Variants in UTS2B observed in about 807,000 individuals in gnomAD.
The protein encoded by UTS2B is urotensin 2B.
UTS2B carries 21 observed loss-of-function variants against 19.2 expected under a neutral mutation model. That is an observed-to-expected ratio of 1.09 (90% CI 0.78 to 1.58). The LOEUF (loss-of-function observed/expected upper bound fraction) is 1.58, where lower values mean the gene tolerates loss of function less well. UTS2B is among the 40% of genes most tolerant of loss of function. The pLI is 0.00. For synonymous variants in UTS2B, 57 were observed against 50.2 expected (o/e 1.14, Z -0.58); for missense variants, 138 against 130.3 (o/e 1.06, Z -0.29).
At chr3:191,303,895 T>A (rs140212297) in intron 4 of UTS2B, among the ~76,000 whole-genome samples, 350 of 152,202 alleles carry the variant, frequency 2.3e-3, no homozygotes, top group African/African-American at 8.1e-3. Flanking sequence ...AGGCACACAC[T>A]TAGTTAGGTC....
the UTS2B span, among the ~76,000 whole-genome samples, chr3:191,338,874 G>A: frequency 1.3e-5 from 2 of 152,268 alleles, no homozygotes; most frequent in South Asian, 4.1e-4. Context: ...TATATAAGAT[G>A]CTGGTAATTT....
chr3:191,335,579 A>G, the UTS2B span, among the ~76,000 whole-genome samples: 1 of 152,148 alleles, frequency 6.6e-6, no homozygotes, highest in Admixed American at 6.5e-5. Flanking sequence ...TTAAGCAGAA[A>G]ACAATCATTA....
upstream of UTS2B, among the ~76,000 whole-genome samples, chr3:191,335,161 T>G (rs189982885): frequency 7.0e-4 from 106 of 152,306 alleles, no homozygotes; most frequent in Non-Finnish European, 1.4e-3. Flanking sequence ...ACAAAAAACA[T>G]GTGAGTTTCA....
At chr3:191,299,750 C>T (rs1716945497) in intron 4 of UTS2B, among the ~76,000 whole-genome samples, 1 of 152,224 alleles carries the variant, frequency 6.6e-6, no homozygotes, top group Non-Finnish European at 1.5e-5. Flanking sequence ...ATCCTCCAAA[C>T]ACCAGAATTG....
chr3:191,345,894 C>A, the UTS2B span, among the ~76,000 whole-genome samples: 2 of 152,090 alleles, frequency 1.3e-5, no homozygotes. Flanking sequence ...GCTTATTACC[C>A]TTGTAAAACT....
upstream of UTS2B, among the ~76,000 whole-genome samples, chr3:191,331,947 C>G (rs1206584667): frequency 6.6e-6 from 1 of 151,892 alleles, no homozygotes; most frequent in African/African-American, 2.4e-5. Context: ...TTTTTGAACC[C>G]CATTCAAAAA....
At chr3:191,274,155 C>T (rs749173714) in intron 8 of UTS2B, among the ~76,000 whole-genome samples, 4 of 151,868 alleles carry the variant, frequency 2.6e-5, no homozygotes, top group African/African-American at 9.7e-5. Flanking sequence ...CATCTTCTGC[C>T]ACTTCATCCT....
rs533416887 is a variant in UTS2B, at chr3:191,311,307, T to C, written c.-182+4729A>G. Among the ~76,000 whole-genome samples the C allele has an allele frequency of 1.4e-4, 21 of 152,382 alleles. No individual in the cohort carries two copies. The South Asian group carries it at 4.1e-3, about 30-fold the overall frequency. ...AAATTTGAAGAAAAATTATTCGATA[T>C]ACTTGCATGTATCTAGTTTCCCTTT... On this transcript the variant is annotated intron_variant, in intron 3 of 8. Transcript: ENST00000340524.
intron 4 of UTS2B, among the ~76,000 whole-genome samples, chr3:191,286,743 G>T (rs1437843508): frequency 1.3e-5 from 2 of 151,982 alleles, no homozygotes; most frequent in Admixed American, 1.3e-4. Context: ...CAAAGTTAGT[G>T]AGGGGAAGGA....
intron 4 of UTS2B, among the ~76,000 whole-genome samples, chr3:191,286,220 T>C (rs1716540232): frequency 6.6e-6 from 1 of 152,210 alleles, no homozygotes; most frequent in South Asian, 2.1e-4. Flanking sequence ...ATGAACAGAT[T>C]GTACAGACAG....
intron 8 of UTS2B, among the ~76,000 whole-genome samples, chr3:191,268,836 AC>A (rs1186683444): frequency 6.6e-6 from 1 of 152,224 alleles, no homozygotes; most frequent in Non-Finnish European, 1.5e-5. Flanking sequence ...TAACTGATAT[AC>A]CAAAAAGAAA....
chr3:191,344,086 A>G, the UTS2B span, among the ~76,000 whole-genome samples: 1 of 152,242 alleles, frequency 6.6e-6, no homozygotes, highest in Non-Finnish European at 1.5e-5. Flanking sequence ...GACCAGTAAT[A>G]TACTCAAGAC....
intron 4 of UTS2B, among the ~76,000 whole-genome samples, chr3:191,289,003 A>G (rs1353454913): frequency 2.0e-5 from 3 of 152,344 alleles, no homozygotes; most frequent in Admixed American, 6.5e-5. Context: ...AAACAAATCA[A>G]TATCAAGAAA....
chr3:191,330,276 A>G (rs1449799969), intron 1 of UTS2B, 138 bp downstream of exon 1: 1 of 152,846 alleles, frequency 6.5e-6, no homozygotes, highest in African/African-American at 2.5e-5. Flanking sequence ...AAGCCACTAT[A>G]AGCATTTTCT....
At chr3:191,325,242 T>G (rs1006421434) in intron 2 of UTS2B, among the ~76,000 whole-genome samples, 1 of 152,100 alleles carries the variant, frequency 6.6e-6, no homozygotes, top group Admixed American at 6.6e-5. Flanking sequence ...AATAAGGGTA[T>G]GTAGTAGGTG....
intron 3 of UTS2B, among the ~76,000 whole-genome samples, chr3:191,306,215 T>C (rs1353504934): frequency 6.6e-6 from 1 of 152,204 alleles, no homozygotes; most frequent in African/African-American, 2.4e-5. Flanking sequence ...ATGTCAATGG[T>C]AGTTTAATGG....
intron 2 of UTS2B, among the ~76,000 whole-genome samples, chr3:191,324,680 T>C (rs193013637): frequency 3.0e-4 from 45 of 152,306 alleles, no homozygotes; most frequent in African/African-American, 8.7e-4. Flanking sequence ...TCCTTATAAA[T>C]TACCTGGTCT....
intron 3 of UTS2B, among the ~76,000 whole-genome samples, chr3:191,313,502 C>T (rs561822867): frequency 6.6e-6 from 1 of 152,110 alleles, no homozygotes; most frequent in African/African-American, 2.4e-5. Flanking sequence ...GTCCAGGTGT[C>T]CCAATACCCA....
At chr3:191,276,726 A>T in intron 7 of UTS2B, 81 bp downstream of exon 7, 1 of 1,216,782 alleles carries the variant, frequency 8.2e-7, no homozygotes, top group Non-Finnish European at 1.2e-6. Flanking sequence ...TTAATAATTT[A>T]TTTTAAAAAA....
Sources: gnomAD v4.1 joint callset for allele counts (sites outside exome capture counted in the v4.1 genomes callset) on GRCh38, gnomAD v4.1.1 for gene constraint, MANE v1.5 for transcripts, NCBI Gene and HGNC (gene_info 2026-07-23, HGNC 2026-07-21) for gene names.